The following PCDHA10 variants were observed in gnomAD, a reference collection of about 807,000 sequenced individuals.
PCDHA10 encodes protocadherin alpha-10.
In PCDHA10, 45 loss-of-function variants were observed where a neutral mutation model predicts 61.2. The ratio of observed to expected loss-of-function variants is 0.74; its 90% CI spans 0.58 to 0.94. The LOEUF (loss-of-function observed/expected upper bound fraction) is 0.94. Among genes scored for constraint, PCDHA10 ranks in the 40% least tolerant of loss-of-function variants. The pLI, the probability that PCDHA10 is intolerant of heterozygous loss-of-function variation, is 0.00. For synonymous variants in PCDHA10, 602 were observed against 548.8 expected (o/e 1.10, Z -1.35); for missense variants, 1,278 against 1,236.2 (o/e 1.03, Z -0.51).
intron 1 of PCDHA10, among the ~76,000 whole-genome samples, chr5:140,888,454 A>G (rs1167294283): frequency 6.6e-6 from 1 of 152,234 alleles, no homozygotes; most frequent in Non-Finnish European, 1.5e-5. Context: ...ATAAAGAATT[A>G]GCTCAAAATG....
intron 1 of PCDHA10, among the ~76,000 whole-genome samples, chr5:140,885,298 G>C (rs1328478663): frequency 6.6e-6 from 1 of 152,040 alleles, no homozygotes; most frequent in East Asian, 1.9e-4. Flanking sequence ...AGAGAGACCT[G>C]GTAGGCTTTT....
At chr5:140,969,410 T>C (rs528910445) in intron 1 of PCDHA10, 12 of 1,572,752 alleles carry the variant, frequency 7.6e-6, no homozygotes, top group South Asian at 1.2e-5. Flanking sequence ...TTTGGCTTTA[T>C]TGAGTCATTA....
intron 3 of PCDHA10, 51 bp downstream of exon 3, chr5:140,982,614 G>T (rs1283279622): frequency 6.3e-7 from 1 of 1,596,658 alleles, no homozygotes; most frequent in Non-Finnish European, 8.5e-7. Flanking sequence ...AAAGTGATCA[G>T]ATGACCTACT....
intron 1 of PCDHA10, among the ~76,000 whole-genome samples, chr5:140,937,927 A>T (rs1376744977): frequency 1.3e-5 from 2 of 149,332 alleles, no homozygotes; most frequent in East Asian, 2.0e-4. Context: ...AAAAAAAAAA[A>T]GTTTAATTTG....
At chr5:140,986,950 A>C (rs1161887732) in intron 3 of PCDHA10, among the ~76,000 whole-genome samples, 1 of 152,164 alleles carries the variant, frequency 6.6e-6, no homozygotes, top group Admixed American at 6.5e-5. Flanking sequence ...GTGGTCGCTC[A>C]TGCCTGTAAT....
At position 140,927,110 on chromosome 5, in the gene PCDHA10, G is replaced by T; in HGVS notation, c.2389-51839G>T. The T allele has an allele frequency of 3.7e-6, 6 of 1,613,752 alleles. No individual in the cohort carries two copies. The Middle Eastern group carries it at 8.3e-4, about 222-fold the overall frequency. On this transcript the variant is annotated intron_variant, in intron 1 of 3. Transcript: ENST00000307360. ...TACTTCGGGGTGGATCTACCCAGCG[G>T]CAATTTGGTGGTCAGAGAGCCGGCG...
intron 1 of PCDHA10, among the ~76,000 whole-genome samples, chr5:140,935,413 T>C (rs1011900671): frequency 1.3e-5 from 2 of 152,246 alleles, no homozygotes; most frequent in Non-Finnish European, 2.9e-5. Flanking sequence ...ACAATGGACT[T>C]AGAAAACAAT....
At chr5:140,904,519 A>C (rs576512079) in intron 1 of PCDHA10, among the ~76,000 whole-genome samples, 2 of 152,174 alleles carry the variant, frequency 1.3e-5, no homozygotes, top group Non-Finnish European at 2.9e-5. Context: ...GTGCTGCTAT[A>C]AACTTGTGTG....
Position 141,000,393 on chromosome 5 carries a change from CTCTATA to C in PCDHA10, c.2537-9232_2537-9227del, listed in dbSNP as rs1213195269. 6.1e-3 allele frequency among the ~76,000 whole-genome samples: 322 copies of C among 52,630 alleles called. 2 individuals are homozygous for C. Among genetic ancestry groups the C allele is most frequent in the Admixed American group, 0.01 (36 of 3,506 alleles). 34.5% of individuals were successfully genotyped at this position (52,630 alleles called of 152,430 possible). A position where few individuals can be genotyped will look rare whatever the true frequency, so the allele number is the denominator to read the frequency against. ...TCTCTCTCTCTCTCTCTCTCTCTCT[CTCTATA>C]TATATATATATATATATATATATTT... On this transcript the variant is annotated intron_variant, in intron 3 of 3. Transcript: ENST00000307360.
rs1422466475 is a variant in PCDHA10 at position 140,877,665 on chromosome 5, G to A, written c.2388+19229G>A. 5.0e-6 allele frequency: 8 copies of A among 1,613,522 alleles called. No homozygotes were observed. In the African/African-American group the frequency reaches 8.0e-5, roughly 16 times the overall value. On this transcript the variant is annotated intron_variant, in intron 1 of 3. Coordinates refer to ENST00000307360, the MANE Select transcript of PCDHA10 (RefSeq NM_018901.4). ...GCTCAGCGCCGCCCACCGTGAGCCGGTGCGCGCCGGGCAAGCCCACGCTGG... is the reference window on the plus strand; with the variant it reads ...GCTCAGCGCCGCCCACCGTGAGCCGATGCGCGCCGGGCAAGCCCACGCTGG...
intron 1 of PCDHA10, chr5:140,869,313 A>T: frequency 6.2e-7 from 1 of 1,613,736 alleles, no homozygotes. Context: ...CGTCCAAAAC[A>T]CATGGGGACC....
chr5:140,870,472 C>G (rs782403878), intron 1 of PCDHA10: 4 of 1,614,240 alleles, frequency 2.5e-6, no homozygotes, highest in South Asian at 1.1e-5. Flanking sequence ...GTTCGCACAG[C>G]CCGAGTACAC....
chr5:140,946,611 A>AATATATATATAT lies in PCDHA10; in HGVS notation c.2389-32328_2389-32317dup, dbSNP rs1554217734. 3.4e-3 allele frequency among the ~76,000 whole-genome samples: 291 copies of AATATATATATAT among 86,770 alleles called. 7 individuals carry two copies. The highest frequency in any genetic ancestry group is 4.0e-3 in the Non-Finnish European group (186 of 46,640). 56.9% of individuals were successfully genotyped at this position (86,770 alleles called of 152,430 possible). A position where few individuals can be genotyped will look rare whatever the true frequency, so the allele number is the denominator to read the frequency against. On this transcript the variant is annotated intron_variant, in intron 1 of 3. Coordinates refer to ENST00000307360, the MANE Select transcript of PCDHA10 (RefSeq NM_018901.4). ...GGATGAATAGATAAAGAAAATGTGA[A>AATATATATATAT]ATATATATATATATATATATACAAT...
At chr5:140,925,989 G>A (rs2082853255) in intron 1 of PCDHA10, among the ~76,000 whole-genome samples, 1 of 152,212 alleles carries the variant, frequency 6.6e-6, no homozygotes, top group East Asian at 1.9e-4. Context: ...GAGCTCGCTG[G>A]CTCCGCTGCC....
chr5:140,859,119 T>C (rs1275680120), intron 1 of PCDHA10: 2 of 150,176 alleles, frequency 1.3e-5, no homozygotes, highest in African/African-American at 4.9e-5. Context: ...AAAATGTATG[T>C]TTCTTTTATT....
At chr5:140,967,422 A>C in intron 1 of PCDHA10, 6 of 1,613,338 alleles carry the variant, frequency 3.7e-6, no homozygotes, top group East Asian at 2.2e-5. Flanking sequence ...GACCGGGAGC[A>C]GGCAGCCTTG....
At chr5:140,900,667 G>A (rs557447526) in intron 1 of PCDHA10, among the ~76,000 whole-genome samples, 12 of 152,222 alleles carry the variant, frequency 7.9e-5, no homozygotes, top group Non-Finnish European at 1.6e-4. Flanking sequence ...CAATGGGAGT[G>A]CAGTTATCTC....
intron 1 of PCDHA10, chr5:140,928,062 C>G: frequency 6.2e-7 from 1 of 1,614,194 alleles, no homozygotes; most frequent in Non-Finnish European, 8.5e-7. Context: ...TGACGGCTTC[C>G]TTTGACAACT....
chr5:140,871,710 C>T (rs1306052156), intron 1 of PCDHA10: 4 of 826,486 alleles, frequency 4.8e-6, no homozygotes, highest in East Asian at 2.8e-5. Flanking sequence ...AATAAATGTC[C>T]TATTTCTCTT....
Sources: allele counts gnomAD v4.1 joint callset (sites outside exome capture counted in the v4.1 genomes callset), GRCh38; gene constraint gnomAD v4.1.1; transcripts MANE v1.5; gene names NCBI Gene and HGNC (gene_info 2026-07-23, HGNC 2026-07-21).